SCNN1A: variants seen among roughly 807,000 people sequenced by gnomAD.
The protein encoded by SCNN1A is epithelial sodium channel subunit alpha.
Under a neutral mutation model 68.6 loss-of-function variants are expected in SCNN1A, and 65 were observed. The observed-to-expected ratio is 0.95, with a 90% CI of 0.78 to 1.16. SCNN1A has a LOEUF of 1.16. Among genes scored for constraint, SCNN1A ranks in the 50% most tolerant of loss-of-function variants. SCNN1A has a pLI of 0.00. For synonymous variants in SCNN1A, 357 were observed against 353.3 expected, an observed-to-expected ratio of 1.01 and a Z score of -0.12; for missense variants, 880 against 865.9, an observed-to-expected ratio of 1.02 and a Z score of -0.20.
At chr12:6,359,680 T>C (rs1004449869) in intron 4 of SCNN1A, among the ~76,000 whole-genome samples, 6 of 151,982 alleles carry the variant, frequency 3.9e-5, no homozygotes, top group Non-Finnish European at 4.4e-5. Flanking sequence ...GCTGAGCAGA[T>C]GCTGGTGCCA....
At chr12:6,350,314 C>A (rs1419551954) in intron 8 of SCNN1A, among the ~76,000 whole-genome samples, 2 of 151,464 alleles carry the variant, frequency 1.3e-5, no homozygotes, top group Non-Finnish European at 2.9e-5. Flanking sequence ...CGCCTGTAGT[C>A]CCAGCTACTC....
intron 8 of SCNN1A, 80 bp from the exon 9 acceptor site, chr12:6,349,485 C>A (rs1460563362): frequency 2.1e-6 from 2 of 945,832 alleles, no homozygotes; most frequent in Non-Finnish European, 3.4e-6. Context: ...TCCCAAGATC[C>A]CTGGGTACCC....
rs1649316623 is a variant in SCNN1A at position 6,374,293 on chromosome 12, C to T, written c.416+75G>A. On this transcript the variant is annotated intron_variant, in intron 2 of 12. Coordinates refer to ENST00000228916, the MANE Select transcript of SCNN1A (RefSeq NM_001038.6). The surrounding 1 kb of genome is among the most constrained non-coding windows in gnomAD (Gnocchi z 6.2). ...CCCTCAGGTCTGAGGCTCTGCCTGC[C>T]CAGTGAGCACCTCAGCACCCTGGAC... is the stretch of plus-strand genomic sequence containing the variant. 1 of 1,496,750 alleles carries T rather than the reference C, an allele frequency of 6.7e-7. No homozygotes were observed. Among genetic ancestry groups the T allele is most frequent in the Non-Finnish European group, 9.1e-7 (1 of 1,093,764 alleles). 92.7% of individuals were successfully genotyped at this position (1,496,750 alleles called of 1,614,324 possible).
intron 2 of SCNN1A, among the ~76,000 whole-genome samples, chr12:6,373,938 C>G (rs1371635877): frequency 1.3e-5 from 2 of 152,234 alleles, no homozygotes; most frequent in Non-Finnish European, 2.9e-5. Flanking sequence ...GGTCTCGCCT[C>G]CCCTCACCTA....
At position 6,349,364 on chromosome 12, in the gene SCNN1A, G is replaced by A. The variant is rs1308882924; in HGVS notation, c.1402C>T (p.His468Tyr). 2 of 1,610,256 alleles carry A rather than the reference G, an allele frequency of 1.2e-6. No homozygotes were observed. The highest frequency in any genetic ancestry group is 1.7e-5 in the Admixed American group (1 of 59,382). Reference sequence around the variant, plus strand: ...CGGCACTTGGTGAAACAGCCCAGGTGGTCTGAGGAGAAGTCAACCTGGAGC... The same window carrying A: ...CGGCACTTGGTGAAACAGCCCAGGTAGTCTGAGGAGAAGTCAACCTGGAGC... ...YKLQVDFSSDHLGCFTKCRKP... is the reference protein window; with the variant it reads ...YKLQVDFSSDYLGCFTKCRKP... The change falls in exon 9 of 13, where the codon CAC (histidine) becomes TAC (tyrosine). Residue 468 changes from histidine to tyrosine, a missense_variant. This residue lies in a region of SCNN1A where 758 missense variants were observed against 721.8 expected (regional missense o/e 1.05). Coordinates refer to ENST00000228916, the MANE Select transcript of SCNN1A (RefSeq NM_001038.6).
intron 2 of SCNN1A, among the ~76,000 whole-genome samples, chr12:6,364,521 C>T (rs1948642113): frequency 6.6e-6 from 1 of 151,836 alleles, no homozygotes; most frequent in Non-Finnish European, 1.5e-5. Flanking sequence ...TTTGGGAGGC[C>T]GAGGTGGGCA....
intron 4 of SCNN1A, among the ~76,000 whole-genome samples, chr12:6,359,090 G>A (rs113194964): frequency 1.0e-3 from 156 of 152,272 alleles, no homozygotes; most frequent in Non-Finnish European, 2.0e-3. Flanking sequence ...GGGCTTGGAG[G>A]AGGGGAGAAA....
rs11612314 is a variant in SCNN1A at position 6,354,103 on chromosome 12, T to C, written c.1360+335A>G. On this transcript the variant is annotated intron_variant, in intron 8 of 12. Transcript: ENST00000228916. ...AAAATTAGCTGGGCGTGGTGGCGGG[T>C]GCCTGTAGTCCCAGCTATTCAGGAG... is the stretch of plus-strand genomic sequence containing the variant. Among the ~76,000 whole-genome samples, 2,975 of 151,548 alleles carry C rather than the reference T, an allele frequency of 0.02. 44 individuals are homozygous for C. Among genetic ancestry groups the C allele is most frequent in the Middle Eastern group, 0.037 (11 of 294 alleles).
At chr12:6,366,468 G>A (rs571180191) in intron 2 of SCNN1A, among the ~76,000 whole-genome samples, 28 of 152,228 alleles carry the variant, frequency 1.8e-4, no homozygotes, top group Non-Finnish European at 2.9e-4. Context: ...TTTAATTTAC[G>A]GTGTTTAGGC....
chr12:6,368,034 C>T (rs962840931), intron 2 of SCNN1A, among the ~76,000 whole-genome samples: 7 of 152,092 alleles, frequency 4.6e-5, no homozygotes, highest in East Asian at 1.9e-4. Flanking sequence ...GAGACTTGCT[C>T]GTTATTTATA....
intron 8 of SCNN1A, among the ~76,000 whole-genome samples, chr12:6,350,740 G>T (rs1401790275): frequency 6.6e-6 from 1 of 152,112 alleles, no homozygotes; most frequent in Non-Finnish European, 1.5e-5. Flanking sequence ...GGGAGGCTGA[G>T]GCAGGATAAT....
intron 4 of SCNN1A, 190 bp from the exon 5 acceptor site, chr12:6,356,070 C>A: frequency 1.6e-6 from 1 of 642,316 alleles, no homozygotes; most frequent in African/African-American, 1.8e-5. Context: ...CTCCCTCAGT[C>A]ACTCCAACCA....
Position 6,365,485 on chromosome 12 carries a change from C to T in SCNN1A, c.417-1775G>A, listed in dbSNP as rs570339165. On this transcript the variant is annotated intron_variant, in intron 2 of 12. Coordinates refer to ENST00000228916, the MANE Select transcript of SCNN1A (RefSeq NM_001038.6). The stretch of plus-strand genomic sequence containing the variant: ...TAAAGCCACAGTAATCAAAACAATG[C>T]GGTTCTTGGTAAGGAGAGACAATAG... 4.1e-4 allele frequency among the ~76,000 whole-genome samples: 62 copies of T among 152,254 alleles called. 1 individual carries two copies. Among genetic ancestry groups the T allele is most frequent in the Middle Eastern group, 3.4e-3 (1 of 294 alleles).
intron 4 of SCNN1A, among the ~76,000 whole-genome samples, chr12:6,357,419 C>T (rs1424760104): frequency 6.6e-6 from 1 of 151,612 alleles, no homozygotes; most frequent in Non-Finnish European, 1.5e-5. Flanking sequence ...ACCAAAAATA[C>T]AAAAATTCGC....
intron 8 of SCNN1A, among the ~76,000 whole-genome samples, chr12:6,350,641 A>C (rs1421405276): frequency 6.6e-6 from 1 of 152,026 alleles, no homozygotes. Context: ...ATTCGAGACC[A>C]GCCTGGCCAA....
chr12:6,348,337 G>A, intron 12 of SCNN1A, 84 bp from the exon 13 acceptor site: 1 of 1,604,198 alleles, frequency 6.2e-7, no homozygotes, highest in Non-Finnish European at 8.5e-7. Context: ...TCCTCACCAA[G>A]CTGTCTCCCT....
chr12:6,369,365 G>GCCTCCCTCCTGCCACCCTACGCA (rs1555114301), intron 2 of SCNN1A, among the ~76,000 whole-genome samples: 85 of 117,398 alleles, frequency 7.2e-4, no homozygotes, highest in Admixed American at 1.4e-3. Flanking sequence ...CACCCTACGC[G>GCCTCCCTCCTGCCACCCTACGCA]CCTCCCTCCT....
rs1342454398 is a variant in SCNN1A, at chr12:6,347,746, C to G, written c.*127G>C. On this transcript the variant is annotated 3_prime_UTR_variant, in exon 13 of 13. Transcript: ENST00000228916. ...TGAGCCCTTACCCATCTTGCTTCCCCTCCACACATCAACGGCAGTTTGGGC... is the reference window on the plus strand; with the variant it reads ...TGAGCCCTTACCCATCTTGCTTCCCGTCCACACATCAACGGCAGTTTGGGC... 2.0e-5 allele frequency: 16 copies of G among 809,698 alleles called. No individual in the cohort carries two copies. The highest frequency in any genetic ancestry group is 3.3e-5 in the Non-Finnish European group (16 of 482,374). The allele number at this position is 809,698 out of a possible 1,614,324, so 50.2% of individuals were successfully genotyped here.
At chr12:6,371,372 G>A in intron 2 of SCNN1A, among the ~76,000 whole-genome samples, 1 of 151,918 alleles carries the variant, frequency 6.6e-6, no homozygotes. Context: ...TGCTCTGCCC[G>A]CTGGGCTCCC....
Sources: gnomAD v4.1 joint callset for allele counts (sites outside exome capture counted in the v4.1 genomes callset) on GRCh38, gnomAD v4.1.1 for gene constraint, gnomAD v4.1.1 regional missense constraint, Gnocchi (gnomAD v3.1) non-coding constraint, MANE v1.5 for transcripts, NCBI Gene and HGNC (gene_info 2026-07-23, HGNC 2026-07-21) for gene names.